The following SCN10A variants were observed in gnomAD, a reference collection of about 807,000 sequenced individuals.
The protein encoded by SCN10A is sodium voltage-gated channel alpha subunit 10.
A neutral mutation model predicts 170.7 loss-of-function variants in SCN10A; 162 were observed. The ratio of observed to expected loss-of-function variants is 0.95; its 90% CI spans 0.84 to 1.08. SCN10A has a LOEUF of 1.08. Ranked by LOEUF, SCN10A falls within the 50% of genes least tolerant of loss-of-function variation. The pLI is 0.00. For missense variants in SCN10A, 2,527 were observed against 2,436.9 expected (o/e 1.04, Z -0.78); for synonymous variants, 985 against 904.6 (o/e 1.09, Z -1.59).
At chr3:38,790,623 C>T (rs145763796) in intron 3 of SCN10A, among the ~76,000 whole-genome samples, 3 of 151,870 alleles carry the variant, frequency 2.0e-5, no homozygotes, top group East Asian at 3.9e-4. Context: ...CAAGCAGAGA[C>T]GACACATTGA....
At chr3:38,723,595 G>C in intron 18 of SCN10A, 42 bp from the exon 19 acceptor site, 5 of 1,550,800 alleles carry the variant, frequency 3.2e-6, no homozygotes, top group Non-Finnish European at 4.4e-6. Flanking sequence ...GTCTCTCCGC[G>C]GGGCCCGGGG....
Position 38,722,211 on chromosome 3 carries a change from G to T in SCN10A, c.3507+47C>A, listed in dbSNP as rs748702455. 8 of 1,573,852 alleles carry T rather than the reference G, an allele frequency of 5.1e-6. 1 individual carries two copies. The highest frequency in any genetic ancestry group is 1.7e-4 in the Middle Eastern group (1 of 5,922). ...GCTCCAGGGCCTTTGGATTGTAGGA[G>T]ATTCCTATCTGGAGGATTTGGGGGC... On this transcript the variant is annotated intron_variant, in intron 20 of 27. Transcript: ENST00000449082.
At position 38,804,238 on chromosome 3, in the gene SCN10A, C is replaced by T. The variant is rs192910024; in HGVS notation, c.-32-10196G>A. ...TATTGCCTCTGTTTTTCAACTTGTT[C>T]TTTTCTCTGCTCATATTCTCTTCAT... On this transcript the variant is annotated intron_variant, in intron 1 of 27. Coordinates refer to ENST00000449082, the MANE Select transcript of SCN10A (RefSeq NM_006514.4). Among the ~76,000 whole-genome samples, 516 of 152,156 alleles carry T rather than the reference C, an allele frequency of 3.4e-3. 3 individuals are homozygous for T. Among genetic ancestry groups the T allele is most frequent in the African/African-American group, 0.011 (476 of 41,534 alleles).
At chr3:38,701,284 G>T (rs916209749) in intron 27 of SCN10A, among the ~76,000 whole-genome samples, 1 of 152,104 alleles carries the variant, frequency 6.6e-6, no homozygotes, top group African/African-American at 2.4e-5. Flanking sequence ...TAATTTCTTG[G>T]CATTGATATC....
chr3:38,735,373 C>G (rs2063550460), intron 15 of SCN10A, among the ~76,000 whole-genome samples: 1 of 151,954 alleles, frequency 6.6e-6, no homozygotes, highest in Non-Finnish European at 1.5e-5. Flanking sequence ...TATGCAAGAT[C>G]CTATGGAGAA....
At chr3:38,774,745 G>C (rs933085799) in intron 4 of SCN10A, among the ~76,000 whole-genome samples, 1 of 152,132 alleles carries the variant, frequency 6.6e-6, no homozygotes, top group Non-Finnish European at 1.5e-5. Context: ...CTCTGTGTAA[G>C]CCCTTCCCAT....
intron 18 of SCN10A, 21 bp from the exon 19 acceptor site, chr3:38,723,574 G>T: frequency 6.4e-7 from 1 of 1,568,462 alleles, no homozygotes; most frequent in Non-Finnish European, 8.7e-7. Flanking sequence ...GAAGCCCAGG[G>T]CAGTGAACTC....
At chr3:38,702,820 G>A (rs1450095198) in intron 26 of SCN10A, among the ~76,000 whole-genome samples, 1 of 152,152 alleles carries the variant, frequency 6.6e-6, no homozygotes, top group East Asian at 1.9e-4. Flanking sequence ...AGAGTGGCCT[G>A]GATAACCAAG....
intron 8 of SCN10A, among the ~76,000 whole-genome samples, chr3:38,759,756 A>T (rs1443512094): frequency 6.6e-6 from 1 of 152,182 alleles, no homozygotes; most frequent in Non-Finnish European, 1.5e-5. Context: ...GGAAACAGTG[A>T]ACCCACATTT....
intron 26 of SCN10A, 145 bp from the exon 27 acceptor site, chr3:38,702,254 C>G: frequency 1.2e-6 from 1 of 836,508 alleles, no homozygotes; most frequent in Non-Finnish European, 1.7e-6. Flanking sequence ...CAAAATTTCA[C>G]TTTTAGTTGA....
At chr3:38,757,506 C>T (rs1279906884) in intron 8 of SCN10A, among the ~76,000 whole-genome samples, 1 of 152,212 alleles carries the variant, frequency 6.6e-6, no homozygotes, top group Non-Finnish European at 1.5e-5. Flanking sequence ...TTGGCATCAT[C>T]TGCAGAGTTG....
At chr3:38,765,255 CT>C (rs2063919074) in intron 5 of SCN10A, among the ~76,000 whole-genome samples, 1 of 152,104 alleles carries the variant, frequency 6.6e-6, no homozygotes, top group South Asian at 2.1e-4. Flanking sequence ...GTTGGATTTG[CT>C]TTGGGTCCTT....
intron 17 of SCN10A, among the ~76,000 whole-genome samples, chr3:38,725,960 C>T (rs2063449729): frequency 6.6e-6 from 1 of 152,218 alleles, no homozygotes; most frequent in Admixed American, 6.5e-5. Flanking sequence ...AGTAACCTGG[C>T]CAGCAGCCCT....
intron 15 of SCN10A, among the ~76,000 whole-genome samples, chr3:38,738,629 T>C (rs528925445): frequency 1.3e-5 from 2 of 152,308 alleles, no homozygotes; most frequent in Non-Finnish European, 2.9e-5. Context: ...TCCCAGTTAA[T>C]ACTGAGAGAT....
intron 7 of SCN10A, 62 bp downstream of exon 7, chr3:38,761,130 G>A: frequency 7.8e-7 from 1 of 1,289,806 alleles, no homozygotes. Flanking sequence ...CATATCCCCT[G>A]TCCCTATATG....
chr3:38,709,000 G>T (rs1335522625), intron 25 of SCN10A, among the ~76,000 whole-genome samples: 2 of 152,132 alleles, frequency 1.3e-5, no homozygotes, highest in African/African-American at 4.8e-5. Flanking sequence ...GGTTATCTGG[G>T]ATTCGATTCC....
intron 7 of SCN10A, 68 bp from the exon 8 acceptor site, chr3:38,760,815 G>T: frequency 7.8e-7 from 1 of 1,284,448 alleles, no homozygotes; most frequent in Non-Finnish European, 1.1e-6. Context: ...CTTGTGTGGT[G>T]AATGCAATAT....
At position 38,793,911 on chromosome 3, in the gene SCN10A, T is replaced by C. The variant is rs1452309366; in HGVS notation, c.100A>G (p.Thr34Ala). ...IEKQIAAKQG[T>A]KKAREKHREQ... ...CTATGCTTCTCTCTGGCTTTCTTTG[T>C]TCCCTGCTTGGCAGCAATTTGCTTC... is the stretch of plus-strand genomic sequence containing the variant. The change falls in exon 2 of 28, where the codon ACA becomes GCA. Residue 34 changes from threonine to alanine, a missense_variant. Physicochemically the swap from Thr to Ala is moderately conservative, Grantham distance 58. Transcript: ENST00000449082. The C allele has an allele frequency of 1.2e-6, 2 of 1,614,106 alleles. No individual in the cohort carries two copies. The highest frequency in any genetic ancestry group is 1.7e-5 in the Admixed American group (1 of 60,008).
chr3:38,698,782 T>C (rs1394460585), intron 27 of SCN10A, among the ~76,000 whole-genome samples: 2 of 152,126 alleles, frequency 1.3e-5, no homozygotes, highest in Non-Finnish European at 2.9e-5. Context: ...GTCTTACCCT[T>C]CCTACCATGT....
Sources: allele counts gnomAD v4.1 joint callset (sites outside exome capture counted in the v4.1 genomes callset), GRCh38; gene constraint gnomAD v4.1.1; transcripts MANE v1.5; gene names NCBI Gene and HGNC (gene_info 2026-07-23, HGNC 2026-07-21).